The following PLD1 variants were observed in gnomAD, a reference collection of about 807,000 sequenced individuals.
PLD1 encodes phospholipase D1.
In PLD1, 112 loss-of-function variants were observed where a neutral mutation model predicts 137.1. The observed-to-expected ratio is 0.82, with a 90% CI of 0.70 to 0.96. The LOEUF is 0.96. PLD1 is among the 40% of genes least tolerant of loss of function. PLD1 has a pLI of 0.00. For missense variants in PLD1, 1,321 were observed against 1,342.0 expected (o/e 0.98, Z 0.24); for synonymous variants, 431 against 454.7 (o/e 0.95, Z 0.66).
chr3:171,710,869 G>GTTTT (rs1281179100), intron 9 of PLD1, among the ~76,000 whole-genome samples: 2 of 98,680 alleles, frequency 2.0e-5, no homozygotes, highest in South Asian at 3.0e-4. Flanking sequence ...TAGGAAAACT[G>GTTTT]TTCTTTTTTT....
rs748098662 is a variant in PLD1, at chr3:171,674,612, A to G, written c.2117T>C (p.Ile706Thr). Residue 706 changes from isoleucine (I) to threonine (T), a missense_variant and splice_region_variant, in exon 19 of 27, where the codon ATT becomes ACT. Coordinates refer to ENST00000351298, the MANE Select transcript of PLD1 (RefSeq NM_002662.5). Reference sequence around the variant, plus strand: ...AAGGGACCGATATTTTGATTTCATAATCTAAAATAAAGAAAAAGGATAAAA... The same window carrying G: ...AAGGGACCGATATTTTGATTTCATAGTCTAAAATAAAGAAAAAGGATAAAA... ...HFIQRWNFTKIMKSKYRSLSY... is the reference protein window; with the variant it reads ...HFIQRWNFTKTMKSKYRSLSY... 6.8e-7 allele frequency: 1 copy of G among 1,466,758 alleles called. No individual in the cohort carries two copies. The highest frequency in any genetic ancestry group is 2.3e-5 in the East Asian group (1 of 44,104). The allele number at this position is 1,466,758 out of a possible 1,614,324, so 90.9% of individuals were successfully genotyped here.
intron 14 of PLD1, among the ~76,000 whole-genome samples, chr3:171,688,345 A>G (rs79540008): frequency 0.027 from 4,156 of 152,326 alleles, 92 homozygotes; most frequent in Middle Eastern, 0.099. Flanking sequence ...CAATTGCCAC[A>G]TATTTTTGTT....
At chr3:171,683,685 T>C (rs1180602899) in intron 16 of PLD1, among the ~76,000 whole-genome samples, 3 of 152,238 alleles carry the variant, frequency 2.0e-5, no homozygotes, top group Non-Finnish European at 4.4e-5. Context: ...TTCTCCGTGA[T>C]AATTATCACC....
intron 23 of PLD1, among the ~76,000 whole-genome samples, chr3:171,620,755 TA>T (rs1478129431): frequency 1.0e-4 from 14 of 139,212 alleles, no homozygotes; most frequent in African/African-American, 3.8e-4. Flanking sequence ...TATATATATA[TA>T]TATATATATA....
intron 23 of PLD1, among the ~76,000 whole-genome samples, chr3:171,626,472 C>T (rs1258120599): frequency 3.9e-5 from 6 of 152,196 alleles, no homozygotes; most frequent in Admixed American, 3.9e-4. Context: ...GCAAGGCAGG[C>T]CAACATTCAG....
chr3:171,722,602 A>G (rs1194373682), intron 8 of PLD1, among the ~76,000 whole-genome samples: 1 of 152,130 alleles, frequency 6.6e-6, no homozygotes, highest in Non-Finnish European at 1.5e-5. Flanking sequence ...GGATGTTTTC[A>G]TTTATCCTGT....
At chr3:171,746,880 A>G (rs1720239219) in intron 1 of PLD1, among the ~76,000 whole-genome samples, 1 of 152,194 alleles carries the variant, frequency 6.6e-6, no homozygotes, top group Non-Finnish European at 1.5e-5. Context: ...CCCCTTCAAT[A>G]CGGTGGAAGG....
chr3:171,730,860 A>T (rs1055822273), intron 6 of PLD1, among the ~76,000 whole-genome samples: 2 of 152,200 alleles, frequency 1.3e-5, no homozygotes, highest in African/African-American at 4.8e-5. Flanking sequence ...GCTGGTCTCG[A>T]ACTCCTGACC....
intron 25 of PLD1, among the ~76,000 whole-genome samples, chr3:171,608,186 T>A (rs1732360889): frequency 6.6e-6 from 1 of 152,110 alleles, no homozygotes; most frequent in Non-Finnish European, 1.5e-5. Flanking sequence ...TAGCATAAGA[T>A]CAGCATTAAA....
At chr3:171,688,487 G>C (rs952816423) in intron 14 of PLD1, among the ~76,000 whole-genome samples, 189 bp downstream of exon 14, 1 of 152,164 alleles carries the variant, frequency 6.6e-6, no homozygotes, top group Non-Finnish European at 1.5e-5. Flanking sequence ...GCAATGCTAA[G>C]TTACAGCTAG....
chr3:171,779,306 A>T (rs1722698552), intron 1 of PLD1, among the ~76,000 whole-genome samples: 2 of 152,208 alleles, frequency 1.3e-5, no homozygotes, highest in South Asian at 2.1e-4. Flanking sequence ...CAGATCTAGG[A>T]TCTACTGTGA....
At chr3:171,703,324 G>A (rs1269603505) in intron 11 of PLD1, among the ~76,000 whole-genome samples, 1 of 152,160 alleles carries the variant, frequency 6.6e-6, no homozygotes, top group African/African-American at 2.4e-5. Context: ...TTTTACTGGT[G>A]ATACTAGCCA....
chr3:171,662,896 T>C (rs149310181), intron 19 of PLD1, among the ~76,000 whole-genome samples: 5 of 152,348 alleles, frequency 3.3e-5, no homozygotes, highest in African/African-American at 9.6e-5. Context: ...ACAGAGGTAC[T>C]AGCATCAGCA....
intron 1 of PLD1, among the ~76,000 whole-genome samples, chr3:171,770,380 T>C (rs1722259767): frequency 6.6e-6 from 1 of 152,150 alleles, no homozygotes; most frequent in South Asian, 2.1e-4. Context: ...AAAATTAAAA[T>C]GATATTCTGG....
chr3:171,784,189 C>G (rs762181210), intron 1 of PLD1, among the ~76,000 whole-genome samples: 9 of 152,038 alleles, frequency 5.9e-5, no homozygotes, highest in Non-Finnish European at 1.0e-4. Flanking sequence ...AAAAATGTAT[C>G]CTCCTGTCTC....
At chr3:171,730,045 T>C (rs889534683) in intron 6 of PLD1, among the ~76,000 whole-genome samples, 2 of 152,216 alleles carry the variant, frequency 1.3e-5, no homozygotes, top group Admixed American at 6.5e-5. Flanking sequence ...GTTCCATTTC[T>C]AGATTTTAAT....
chr3:171,624,481 C>T (rs1285646696), intron 23 of PLD1, among the ~76,000 whole-genome samples: 2 of 151,926 alleles, frequency 1.3e-5, no homozygotes, highest in Admixed American at 1.3e-4. Flanking sequence ...ACAAAGCTAC[C>T]TATGTGTTTA....
At chr3:171,735,422 T>C in intron 4 of PLD1, 70 bp downstream of exon 4, 3 of 1,308,642 alleles carry the variant, frequency 2.3e-6, no homozygotes, top group Admixed American at 1.7e-5. Flanking sequence ...AGGTGTGAGC[T>C]ACCACACCCA....
At chr3:171,706,120 GTCAGTCTATCTATCTA>G (rs1433959241) in intron 11 of PLD1, among the ~76,000 whole-genome samples, 2 of 95,548 alleles carry the variant, frequency 2.1e-5, no homozygotes, top group Non-Finnish European at 4.8e-5. Context: ...CACCGGGTCA[GTCAGTCTATCTATCTA>G]TCTATCTATC....
Sources: allele counts gnomAD v4.1 joint callset (sites outside exome capture counted in the v4.1 genomes callset), GRCh38; gene constraint gnomAD v4.1.1; transcripts MANE v1.5; gene names NCBI Gene and HGNC (gene_info 2026-07-23, HGNC 2026-07-21).